ZNF804B: variants seen among roughly 807,000 people sequenced by gnomAD.
ZNF804B encodes the protein zinc finger 804B.
ZNF804B carries 80 observed loss-of-function variants against 101.4 expected under a neutral mutation model. The observed-to-expected ratio is 0.79, with a 90% CI of 0.66 to 0.95. The LOEUF is 0.95. Ranked by LOEUF, ZNF804B falls within the 40% of genes least tolerant of loss-of-function variation. The probability of loss-of-function intolerance (pLI) is 0.00; values close to 1 mark genes in which losing one functional copy is unlikely to be tolerated. For missense variants in ZNF804B, 1,673 were observed against 1,561.9 expected (o/e 1.07, Z -1.20); for synonymous variants, 622 against 558.8 (o/e 1.11, Z -1.59).
At chr7:88,885,486 C>G (rs181911049) in intron 1 of ZNF804B, among the ~76,000 whole-genome samples, 1 of 151,548 alleles carries the variant, frequency 6.6e-6, no homozygotes, top group East Asian at 1.9e-4. Context: ...TTCAGTAGAA[C>G]TGTATATCAT....
chr7:89,286,735 C>G (rs982648824), intron 2 of ZNF804B, among the ~76,000 whole-genome samples: 1 of 152,100 alleles, frequency 6.6e-6, no homozygotes, highest in African/African-American at 2.4e-5. Context: ...CTGAAGGGCT[C>G]TGATTATTCA....
intron 1 of ZNF804B, among the ~76,000 whole-genome samples, chr7:89,048,803 C>G (rs1335657804): frequency 6.6e-6 from 1 of 151,782 alleles, no homozygotes; most frequent in Non-Finnish European, 1.5e-5. Flanking sequence ...TATTTCCTTA[C>G]TTGGATTGGC....
chr7:89,113,377 GA>G (rs979983648), intron 1 of ZNF804B, among the ~76,000 whole-genome samples: 11 of 151,764 alleles, frequency 7.2e-5, no homozygotes, highest in African/African-American at 2.7e-4. Context: ...CATAAAAGAA[GA>G]AAAAAATAGC....
chr7:88,793,481 T>C (rs1305893156), intron 1 of ZNF804B, among the ~76,000 whole-genome samples: 1 of 152,104 alleles, frequency 6.6e-6, no homozygotes, highest in East Asian at 1.9e-4. Context: ...CACCTGATAA[T>C]GTATTTTCAT....
chr7:89,195,587 C>A (rs1373761140), intron 1 of ZNF804B, among the ~76,000 whole-genome samples: 1 of 151,486 alleles, frequency 6.6e-6, no homozygotes, highest in African/African-American at 2.4e-5. Flanking sequence ...CTCCCATTCA[C>A]AATTGCTTCA....
At chr7:88,981,935 G>A (rs555025795) in intron 1 of ZNF804B, among the ~76,000 whole-genome samples, 2 of 152,086 alleles carry the variant, frequency 1.3e-5, no homozygotes, top group Admixed American at 1.3e-4. Context: ...TTGATATGAT[G>A]TTAAAACTAG....
chr7:88,994,167 C>T (rs1793886870), intron 1 of ZNF804B, among the ~76,000 whole-genome samples: 1 of 151,808 alleles, frequency 6.6e-6, no homozygotes, highest in African/African-American at 2.4e-5. Context: ...TGATTTAATT[C>T]TTTCATCATA....
chr7:89,199,479 A>G (rs763578251), intron 1 of ZNF804B, among the ~76,000 whole-genome samples: 41 of 152,148 alleles, frequency 2.7e-4, no homozygotes, highest in South Asian at 4.1e-4. Context: ...CATAATAGAA[A>G]TATAAGGCTT....
intron 1 of ZNF804B, among the ~76,000 whole-genome samples, chr7:89,109,103 A>G (rs1790176486): frequency 6.6e-6 from 1 of 152,144 alleles, no homozygotes; most frequent in South Asian, 2.1e-4. Flanking sequence ...AAATTTTTTA[A>G]ATCTAATAGA....
intron 1 of ZNF804B, among the ~76,000 whole-genome samples, chr7:89,152,920 C>T (rs745411876): frequency 6.6e-6 from 1 of 151,972 alleles, no homozygotes; most frequent in African/African-American, 2.4e-5. Flanking sequence ...TTTGCCCCTG[C>T]CACCTTTGTC....
chr7:89,272,025 T>G (rs1301762482), intron 2 of ZNF804B, among the ~76,000 whole-genome samples: 2 of 152,180 alleles, frequency 1.3e-5, no homozygotes, highest in Non-Finnish European at 2.9e-5. Flanking sequence ...CAACATAAGG[T>G]TCAAAATTCT....
chr7:88,921,152 G>A (rs1792712801), intron 1 of ZNF804B, among the ~76,000 whole-genome samples: 1 of 152,058 alleles, frequency 6.6e-6, no homozygotes. Context: ...GTGGAAGGAT[G>A]GTGGAATTGT....
At chr7:89,109,336 A>G (rs577778673) in intron 1 of ZNF804B, among the ~76,000 whole-genome samples, 3 of 152,300 alleles carry the variant, frequency 2.0e-5, no homozygotes, top group African/African-American at 7.2e-5. Context: ...AGTTATGAGA[A>G]TAGCCAAAAT....
chr7:89,136,734 T>G (rs1562894020), intron 1 of ZNF804B, among the ~76,000 whole-genome samples: 1 of 109,190 alleles, frequency 9.2e-6, no homozygotes, highest in African/African-American at 4.3e-5. Flanking sequence ...TGTGTGTGTG[T>G]GAGTGTGTGT....
chr7:88,768,911 T>C (rs1790023227), intron 1 of ZNF804B, among the ~76,000 whole-genome samples: 1 of 152,226 alleles, frequency 6.6e-6, no homozygotes, highest in Non-Finnish European at 1.5e-5. Context: ...TGCCATTGAC[T>C]AGTAATTTTA....
intron 1 of ZNF804B, among the ~76,000 whole-genome samples, chr7:89,128,291 G>T (rs1362684059): frequency 6.6e-6 from 1 of 151,732 alleles, no homozygotes; most frequent in Admixed American, 6.6e-5. Context: ...ACTTATTGCT[G>T]GATCTTCATT....
intron 1 of ZNF804B, among the ~76,000 whole-genome samples, chr7:88,814,917 AT>A (rs765819978): frequency 6.6e-6 from 1 of 151,698 alleles, no homozygotes; most frequent in Non-Finnish European, 1.5e-5. Context: ...GATAAGAAAA[AT>A]TTTGAATAGT....
At chr7:88,864,285 A>C (rs1241116813) in intron 1 of ZNF804B, among the ~76,000 whole-genome samples, 2 of 152,232 alleles carry the variant, frequency 1.3e-5, no homozygotes, top group Non-Finnish European at 2.9e-5. Context: ...TGTTGCAATG[A>C]ATGAGACAAC....
intron 1 of ZNF804B, among the ~76,000 whole-genome samples, chr7:88,783,990 T>A (rs1454570868): frequency 1.3e-5 from 2 of 152,216 alleles, no homozygotes; most frequent in Non-Finnish European, 2.9e-5. Flanking sequence ...ATTACAGAGA[T>A]AAATGGTTCA....
Sources: gnomAD v4.1 joint callset for allele counts (sites outside exome capture counted in the v4.1 genomes callset) on GRCh38, gnomAD v4.1.1 for gene constraint, MANE v1.5 for transcripts, NCBI Gene and HGNC (gene_info 2026-07-23, HGNC 2026-07-21) for gene names.